The following ZFYVE28 variants were observed in gnomAD, a reference collection of about 807,000 sequenced individuals.
ZFYVE28 encodes the protein zinc finger FYVE-type containing 28, also known as lateral signaling target protein 2 homolog.
A neutral mutation model predicts 82.1 loss-of-function variants in ZFYVE28; 40 were observed. That is an observed-to-expected ratio of 0.49 (90% CI 0.38 to 0.63). ZFYVE28 has a LOEUF of 0.63. ZFYVE28 is among the 30% of genes least tolerant of loss of function. ZFYVE28 has a pLI of 0.00. For missense variants in ZFYVE28, 1,321 were observed against 1,242.1 expected, an observed-to-expected ratio of 1.06 and a Z score of -0.96; for synonymous variants, 612 against 546.1, an observed-to-expected ratio of 1.12 and a Z score of -1.68.
chr4:2,398,020 G>A (rs1262706369), intron 1 of ZFYVE28, among the ~76,000 whole-genome samples: 11 of 142,454 alleles, frequency 7.7e-5, no homozygotes, highest in African/African-American at 2.9e-4. Context: ...GGCGGGGTGG[G>A]GGCAGGTGAG....
intron 8 of ZFYVE28, among the ~76,000 whole-genome samples, chr4:2,279,031 A>G (rs561298878): frequency 6.6e-6 from 1 of 152,258 alleles, no homozygotes; most frequent in South Asian, 2.1e-4. Context: ...TTATGGAAAA[A>G]TAAAATGGCA....
chr4:2,360,359 T>A (rs896609280), intron 1 of ZFYVE28, among the ~76,000 whole-genome samples: 8 of 150,698 alleles, frequency 5.3e-5, no homozygotes, highest in African/African-American at 2.0e-4. Flanking sequence ...CCTACAAAGG[T>A]GTTGACCATC....
At position 2,353,949 on chromosome 4, in the gene ZFYVE28, T is replaced by G; in HGVS notation, c.164A>C (p.Gln55Pro). The G allele has an allele frequency of 6.4e-7, 1 of 1,553,650 alleles. No homozygotes were observed. ...GTGGCTCACCTGACAGGAGCGGAAC[T>G]GGCTGACCAGCAGCGTGCACCGCTG... ...DPQRCTLLVSQFRSCQDNVLN... is the reference protein window; with the variant it reads ...DPQRCTLLVSPFRSCQDNVLN... The change falls in exon 2 of 13, where the codon CAG becomes CCG. Residue 55 changes from glutamine (Q) to proline (P), a missense_variant. Gln to Pro is a moderately conservative substitution (Grantham distance 76). Around this residue, in one of 2 missense-constraint regions of ZFYVE28, gnomAD observed 343 missense variants for 408.4 expected, o/e 0.84. Transcript: ENST00000290974.
rs1437670466 is a variant in ZFYVE28 at position 2,362,757 on chromosome 4, G to C, written c.40-8684C>G. Among the ~76,000 whole-genome samples the C allele has an allele frequency of 6.6e-6, 1 of 152,114 alleles. No individual in the cohort carries two copies. The highest frequency in any genetic ancestry group is 1.5e-5 in the Non-Finnish European group (1 of 68,026). On this transcript the variant is annotated intron_variant, in intron 1 of 12. Transcript: ENST00000290974. The surrounding 1 kb of genome is among the most constrained non-coding windows in gnomAD (Gnocchi z 5.1). ...CCCCAATGTTACTATTGTTGCTACT[G>C]TCTCCCTCCCCATCCATCTGTCCCC...
rs932713304 is a variant in ZFYVE28 at position 2,418,157 on chromosome 4, G to A, written c.39+128C>T. 12 of 772,186 alleles carry A rather than the reference G, an allele frequency of 1.6e-5. No homozygotes were observed. The highest frequency in any genetic ancestry group is 1.7e-5 in the Non-Finnish European group (9 of 527,490). The allele number at this position is 772,186 out of a possible 1,614,324, so 47.8% of individuals were successfully genotyped here. ...CAAGTCTTGGAGTGGAGGGAAGGATGTCGGCGGTGGGGGAAGAGGCCGGCC... is the reference window on the plus strand; with the variant it reads ...CAAGTCTTGGAGTGGAGGGAAGGATATCGGCGGTGGGGGAAGAGGCCGGCC... On this transcript the variant is annotated intron_variant, in intron 1 of 12. Transcript: ENST00000290974. This position sits in a 1 kb window ranked among gnomAD's most constrained non-coding sequence, Gnocchi z 4.6.
chr4:2,405,554 G>C (rs867944405), intron 1 of ZFYVE28, among the ~76,000 whole-genome samples: 1 of 152,240 alleles, frequency 6.6e-6, no homozygotes, highest in Non-Finnish European at 1.5e-5. Context: ...ACCTTGAGCA[G>C]GCCCAGGCTC....
At position 2,339,275 on chromosome 4, in the gene ZFYVE28, C is replaced by T. The variant is rs566958372; in HGVS notation, c.521+178G>A. Among the ~76,000 whole-genome samples, 2 of 152,292 alleles carry T rather than the reference C, an allele frequency of 1.3e-5. No homozygotes were observed. The highest frequency in any genetic ancestry group is 2.4e-5 in the African/African-American group (1 of 41,548). The stretch of plus-strand genomic sequence containing the variant: ...CACCCCACTCCCTGGAAAGATGCCC[C>T]ACCTCACCTCCACGCTATGCTCTCC... On this transcript the variant is annotated intron_variant, in intron 4 of 12. Transcript: ENST00000290974. This position sits in a 1 kb window ranked among gnomAD's most constrained non-coding sequence, Gnocchi z 5.0.
intron 6 of ZFYVE28, among the ~76,000 whole-genome samples, chr4:2,333,227 CT>C (rs1011182285): frequency 1.3e-5 from 1 of 75,244 alleles, no homozygotes; most frequent in South Asian, 4.7e-4. Context: ...CTGACCCCCC[CT>C]GCTGCCCTTC....
intron 1 of ZFYVE28, among the ~76,000 whole-genome samples, chr4:2,407,595 T>A (rs1218590625): frequency 6.6e-6 from 1 of 152,058 alleles, no homozygotes; most frequent in African/African-American, 2.4e-5. Context: ...TCTGGAACCT[T>A]CTCATCCCTC....
chr4:2,316,003 C>T (rs758855598), intron 7 of ZFYVE28, among the ~76,000 whole-genome samples: 12 of 151,828 alleles, frequency 7.9e-5, no homozygotes, highest in African/African-American at 1.2e-4. Context: ...TTTTCCTGCC[C>T]GAGCTTCAGT....
chr4:2,339,488 C>T lies in ZFYVE28; in HGVS notation c.486G>A (p.Arg162=). The T allele has an allele frequency of 6.2e-7, 1 of 1,614,010 alleles. No homozygotes were observed. Among genetic ancestry groups the T allele is most frequent in the Non-Finnish European group, 8.5e-7 (1 of 1,180,002 alleles). ...ACTCTGCGAACAGGACGTCGAAGTG[C>T]CTCAGCGCTTCCCTCATCTTCTCTG... The part of the protein sequence containing the change: ...TYTEKMREAL[R]HFDVLFAEFE... Residue 162 remains arginine (R), a synonymous_variant, in exon 4 of 13, where the codon AGG becomes AGA. Coordinates refer to ENST00000290974, the MANE Select transcript of ZFYVE28 (RefSeq NM_020972.3). This position sits in a 1 kb window ranked among gnomAD's most constrained non-coding sequence, Gnocchi z 5.0.
intron 1 of ZFYVE28, among the ~76,000 whole-genome samples, chr4:2,413,698 G>A (rs1435733814): frequency 6.6e-6 from 1 of 152,256 alleles, no homozygotes; most frequent in African/African-American, 2.4e-5. Flanking sequence ...TCAGTAGCCT[G>A]GCTAGAAGTT....
chr4:2,337,790 G>T (rs957747689), intron 4 of ZFYVE28, among the ~76,000 whole-genome samples: 4 of 152,180 alleles, frequency 2.6e-5, no homozygotes, highest in Non-Finnish European at 5.9e-5. Context: ...AGGATCACTT[G>T]TGCCCAGGAG....
At chr4:2,330,495 A>G (rs1720499426) in intron 6 of ZFYVE28, 38 of 1,094,898 alleles carry the variant, frequency 3.5e-5, no homozygotes, top group Non-Finnish European at 4.2e-5. Context: ...AGGAGGGGAC[A>G]GTGCAGAGGA....
At chr4:2,285,493 G>C (rs1008214610) in intron 8 of ZFYVE28, 1 of 152,274 alleles carries the variant, frequency 6.6e-6, no homozygotes, top group Non-Finnish European at 1.5e-5. Flanking sequence ...CTTCTGAGCA[G>C]GCTGGAATCT....
intron 1 of ZFYVE28, among the ~76,000 whole-genome samples, chr4:2,379,434 CA>C (rs1190877514): frequency 6.6e-6 from 1 of 152,226 alleles, no homozygotes; most frequent in Non-Finnish European, 1.5e-5. Context: ...ACCAAGCTGA[CA>C]GCTAAAATGT....
chr4:2,279,709 A>G (rs112747160), intron 8 of ZFYVE28, among the ~76,000 whole-genome samples: 1 of 151,102 alleles, frequency 6.6e-6, no homozygotes, highest in African/African-American at 2.4e-5. Context: ...TGAACCCGGG[A>G]GGCGGAGCTT....
intron 8 of ZFYVE28, among the ~76,000 whole-genome samples, chr4:2,279,637 C>A (rs1196137363): frequency 6.6e-6 from 1 of 151,886 alleles, no homozygotes; most frequent in Non-Finnish European, 1.5e-5. Context: ...AAAAATTAGC[C>A]AGGCATGGTG....
chr4:2,305,037 C>T lies in ZFYVE28; in HGVS notation c.1303G>A (p.Glu435Lys), dbSNP rs778540821. The T allele has an allele frequency of 6.8e-6, 11 of 1,612,576 alleles. No homozygotes were observed. The highest frequency in any genetic ancestry group is 3.3e-5 in the Admixed American group (2 of 60,008). The change falls in exon 8 of 13, where the codon GAG becomes AAG. Residue 435 changes from glutamate to lysine, a missense_variant. Glu to Lys is a moderately conservative substitution (Grantham distance 56, BLOSUM62 1). Around this residue, in one of 2 missense-constraint regions of ZFYVE28, gnomAD observed 978 missense variants for 833.7 expected, o/e 1.17. Coordinates refer to ENST00000290974, the MANE Select transcript of ZFYVE28 (RefSeq NM_020972.3). The part of the protein sequence containing the change: ...WAGSTWADPQ[E>K]KGQGGPGGAA... The stretch of plus-strand genomic sequence containing the variant: ...CCGCCTGGCCCACCCTGCCCTTTCT[C>T]CTGGGGGTCGGCCCAGGTACTGCCT...
Sources: allele counts gnomAD v4.1 joint callset (sites outside exome capture counted in the v4.1 genomes callset), GRCh38; gene constraint gnomAD v4.1.1; regional missense constraint gnomAD v4.1.1; non-coding constraint Gnocchi (gnomAD v3.1); transcripts MANE v1.5; gene names NCBI Gene and HGNC (gene_info 2026-07-23, HGNC 2026-07-21).